Variants in CLSTN3 observed in about 807,000 individuals in gnomAD.
CLSTN3 encodes calsyntenin-3.
A neutral mutation model predicts 95.9 loss-of-function variants in CLSTN3; 36 were observed. The ratio of observed to expected loss-of-function variants is 0.38; its 90% CI spans 0.29 to 0.50. The LOEUF is 0.50. Ranked by LOEUF, CLSTN3 falls within the 20% of genes least tolerant of loss-of-function variation. The pLI, the probability that CLSTN3 is intolerant of heterozygous loss-of-function variation, is 0.95. For synonymous variants in CLSTN3, 481 were observed against 504.0 expected (o/e 0.95, Z 0.61); for missense variants, 1,084 against 1,268.8 (o/e 0.85, Z 2.21).
Position 7,157,630 on chromosome 12 carries a change from C to A in CLSTN3, c.2669C>A (p.Pro890His), listed in dbSNP as rs1463393786. ...AGGPPGASSDPKDPDLFWDDS... is the reference protein window; with the variant it reads ...AGGPPGASSDHKDPDLFWDDS... ...GGGCCTCCAGGGGCCTCCAGTGACC[C>A]CAAGGACCCAGACCTCTTCTGGGAT... The change falls in exon 17 of 18, where the codon CCC becomes CAC. Residue 890 changes from proline (P) to histidine (H), a missense_variant. Physicochemically the swap from Pro to His is moderately conservative, Grantham distance 77. Coordinates refer to ENST00000266546, the MANE Select transcript of CLSTN3 (RefSeq NM_014718.4). The surrounding 1 kb of genome is among the most constrained non-coding windows in gnomAD (Gnocchi z 5.9). 6.2e-7 allele frequency: 1 copy of A among 1,609,890 alleles called. No individual in the cohort carries two copies. Among genetic ancestry groups the A allele is most frequent in the Admixed American group, 1.7e-5 (1 of 59,328 alleles).
rs1183210506 is a variant in CLSTN3, at chr12:7,130,600, G to C, written c.-49G>C. Reference sequence around the variant, plus strand: ...GCAAGGTGGAATCCGCAGGCTGGAGGCTCCCAGGGGAGGCAAACGCCTGGC... The same window carrying C: ...GCAAGGTGGAATCCGCAGGCTGGAGCCTCCCAGGGGAGGCAAACGCCTGGC... On this transcript the variant is annotated 5_prime_UTR_variant, in exon 1 of 18. Coordinates refer to ENST00000266546, the MANE Select transcript of CLSTN3 (RefSeq NM_014718.4). The C allele has an allele frequency of 1.3e-6, 2 of 1,550,904 alleles. No homozygotes were observed. Among genetic ancestry groups the C allele is most frequent in the Admixed American group, 3.9e-5 (2 of 51,108 alleles).
chr12:7,130,303 T>TCCCCCC (rs1174430972), upstream of CLSTN3: 72 of 779,410 alleles, frequency 9.2e-5, no homozygotes, highest in Admixed American at 4.8e-4. Context: ...CAGCACCTGG[T>TCCCCCC]CCCCCCCCCT....
At chr12:7,139,251 A>G (rs1565650351) in intron 8 of CLSTN3, among the ~76,000 whole-genome samples, 1 of 152,250 alleles carries the variant, frequency 6.6e-6, no homozygotes, top group Non-Finnish European at 1.5e-5. Flanking sequence ...GGGGCAGAGC[A>G]TGGCGGGAGG....
Position 7,130,625 on chromosome 12 carries a change from C to T in CLSTN3, c.-24C>T, listed in dbSNP as rs1410049812. The T allele has an allele frequency of 2.6e-6, 4 of 1,557,296 alleles. No individual in the cohort carries two copies. Among genetic ancestry groups the T allele is most frequent in the Admixed American group, 3.9e-5 (2 of 51,878 alleles). On this transcript the variant is annotated 5_prime_UTR_variant, in exon 1 of 18. Transcript: ENST00000266546. ...GCTCCCAGGGGAGGCAAACGCCTGG[C>T]CCTGCCCTGCCCCACGCCGCACCAT...
At chr12:7,143,344 A>G (rs1421370175) in intron 12 of CLSTN3, 33 bp downstream of exon 12, 1 of 1,591,674 alleles carries the variant, frequency 6.3e-7, no homozygotes, top group Non-Finnish European at 8.5e-7. Context: ...CAAATCACCA[A>G]GCAGAGCCAG....
At position 7,150,744 on chromosome 12, in the gene CLSTN3, G is replaced by A. The variant is rs867194793; in HGVS notation, c.2391+55G>A. On this transcript the variant is annotated intron_variant, in intron 15 of 17. Coordinates refer to ENST00000266546, the MANE Select transcript of CLSTN3 (RefSeq NM_014718.4). This position sits in a 1 kb window ranked among gnomAD's most constrained non-coding sequence, Gnocchi z 4.0. Reference sequence around the variant, plus strand: ...TTACCCACCCCCAGAAAGGAGCTGAGGTGGCATGGACTCAAAATGTTAGTT... The same window carrying A: ...TTACCCACCCCCAGAAAGGAGCTGAAGTGGCATGGACTCAAAATGTTAGTT... The A allele has an allele frequency of 8.1e-6, 13 of 1,596,844 alleles. No homozygotes were observed. In the Middle Eastern group the frequency reaches 6.7e-4, roughly 82 times the overall value.
In CLSTN3 at chr12:7,149,787, A is replaced by C; in HGVS notation, c.2245+94A>C. ...CCCAGAGGGTCCTCCTTCCAGGTCCAGGGATGTGGACAAGTGCCGTTTTGC... is the reference window on the plus strand; with the variant it reads ...CCCAGAGGGTCCTCCTTCCAGGTCCCGGGATGTGGACAAGTGCCGTTTTGC... On this transcript the variant is annotated intron_variant, in intron 14 of 17. Coordinates refer to ENST00000266546, the MANE Select transcript of CLSTN3 (RefSeq NM_014718.4). The surrounding 1 kb of genome is among the most constrained non-coding windows in gnomAD (Gnocchi z 4.5). 1 of 1,212,236 alleles carries C rather than the reference A, an allele frequency of 8.2e-7. No individual in the cohort carries two copies. The highest frequency in any genetic ancestry group is 1.2e-6 in the Non-Finnish European group (1 of 868,326). The allele number at this position is 1,212,236 out of a possible 1,614,324, so 75.1% of individuals were successfully genotyped here.
At chr12:7,134,342 G>A (rs758818763) in intron 3 of CLSTN3, among the ~76,000 whole-genome samples, 2 of 152,320 alleles carry the variant, frequency 1.3e-5, no homozygotes, top group African/African-American at 2.4e-5. Context: ...AAAGAGGCTC[G>A]GGTCTGGGAC....
chr12:7,156,514 C>G (rs1269794363), intron 16 of CLSTN3: 2 of 456,710 alleles, frequency 4.4e-6, no homozygotes, highest in East Asian at 6.9e-5. Context: ...TGCTGGAGAC[C>G]CCCAGACGCG....
In CLSTN3 at chr12:7,137,210, C is replaced by G. The variant is rs1939444895; in HGVS notation, c.1210+100C>G. 4 of 1,264,552 alleles carry G rather than the reference C, an allele frequency of 3.2e-6. No individual in the cohort carries two copies. The highest frequency in any genetic ancestry group is 2.9e-5 in the South Asian group (2 of 69,714). 78.3% of individuals were successfully genotyped at this position (1,264,552 alleles called of 1,614,324 possible). Reference sequence around the variant, plus strand: ...TGACTGTGAACAGGTCACTTCCCCTCTCTTCATTTGTGAGGTGCAAGTGCC... The same window carrying G: ...TGACTGTGAACAGGTCACTTCCCCTGTCTTCATTTGTGAGGTGCAAGTGCC... On this transcript the variant is annotated intron_variant, in intron 7 of 17. Transcript: ENST00000266546. This position sits in a 1 kb window ranked among gnomAD's most constrained non-coding sequence, Gnocchi z 4.4.
In CLSTN3 at chr12:7,135,989, A is replaced by T. The variant is rs761910001; in HGVS notation, c.742+36A>T. 7 of 1,565,588 alleles carry T rather than the reference A, an allele frequency of 4.5e-6. No individual in the cohort carries two copies. In the East Asian group the frequency reaches 1.6e-4, roughly 35 times the overall value. On this transcript the variant is annotated intron_variant, in intron 5 of 17. Coordinates refer to ENST00000266546, the MANE Select transcript of CLSTN3 (RefSeq NM_014718.4). ...AGCGCTGTGCCCCATCTTGTGAATC[A>T]TCTTTTTTCTTGGTCTCTCTTTCTG...
At position 7,157,585 on chromosome 12, in the gene CLSTN3, G is replaced by T. The variant is rs199822119; in HGVS notation, c.2624G>T (p.Arg875Leu). The T allele has an allele frequency of 6.2e-7, 1 of 1,613,148 alleles. No homozygotes were observed. Among genetic ancestry groups the T allele is most frequent in the African/African-American group, 1.3e-5 (1 of 74,858 alleles). Reference protein sequence around the residue: ...LGLVRIHSLHRRVSGAGGPPG... With the variant: ...LGLVRIHSLHLRVSGAGGPPG... Reference sequence around the variant, plus strand: ...CTGGTGCGCATCCATTCCCTTCACCGCCGCGTCTCAGGGGCCGGCGGGCCT... The same window carrying T: ...CTGGTGCGCATCCATTCCCTTCACCTCCGCGTCTCAGGGGCCGGCGGGCCT... The change falls in exon 17 of 18, where the codon CGC becomes CTC. Residue 875 changes from arginine (R) to leucine (L), a missense_variant. By Grantham distance (102) the Arg-to-Leu change is moderately radical. Coordinates refer to ENST00000266546, the MANE Select transcript of CLSTN3 (RefSeq NM_014718.4). This position sits in a 1 kb window ranked among gnomAD's most constrained non-coding sequence, Gnocchi z 5.9.
At chr12:7,135,001 G>A in intron 3 of CLSTN3, among the ~76,000 whole-genome samples, 1 of 152,100 alleles carries the variant, frequency 6.6e-6, no homozygotes. Flanking sequence ...AGATGGGCAG[G>A]CTCCCTCCTG....
chr12:7,150,412 G>T lies in CLSTN3; in HGVS notation c.2246-132G>T, dbSNP rs988687013. Reference sequence around the variant, plus strand: ...GCATCCCTCCCTTCGACCTCAGGTCGCACTTCTGCGGAGATGGGGCTGACC... The same window carrying T: ...GCATCCCTCCCTTCGACCTCAGGTCTCACTTCTGCGGAGATGGGGCTGACC... On this transcript the variant is annotated intron_variant, in intron 14 of 17. Coordinates refer to ENST00000266546, the MANE Select transcript of CLSTN3 (RefSeq NM_014718.4). The surrounding 1 kb of genome is among the most constrained non-coding windows in gnomAD (Gnocchi z 4.0). 1 of 1,037,804 alleles carries T rather than the reference G, an allele frequency of 9.6e-7. No individual in the cohort carries two copies. The highest frequency in any genetic ancestry group is 1.8e-5 in the South Asian group (1 of 54,564). 64.3% of individuals were successfully genotyped at this position (1,037,804 alleles called of 1,614,324 possible).
chr12:7,132,038 G>T (rs985430606), intron 1 of CLSTN3, among the ~76,000 whole-genome samples: 4 of 152,036 alleles, frequency 2.6e-5, no homozygotes, highest in Admixed American at 6.6e-5. Flanking sequence ...AGGCTGGGGT[G>T]GGGGGTGATG....
intron 16 of CLSTN3, among the ~76,000 whole-genome samples, chr12:7,152,893 A>G (rs1394028906): frequency 6.6e-6 from 1 of 152,162 alleles, no homozygotes; most frequent in African/African-American, 2.4e-5. Flanking sequence ...TGCACTAACC[A>G]TGGCCCTCAC....
chr12:7,134,965 G>A (rs921094408), intron 3 of CLSTN3, among the ~76,000 whole-genome samples: 6 of 152,128 alleles, frequency 3.9e-5, no homozygotes, highest in Non-Finnish European at 7.4e-5. Context: ...GGGGAGGAGC[G>A]TGCTGACTGC....
At chr12:7,143,776 A>G (rs756016625) in intron 12 of CLSTN3, among the ~76,000 whole-genome samples, 1 of 152,346 alleles carries the variant, frequency 6.6e-6, no homozygotes, top group East Asian at 1.9e-4. Context: ...TGGCAGTCCT[A>G]GGCCAAATCT....
intron 8 of CLSTN3, among the ~76,000 whole-genome samples, chr12:7,138,331 T>C (rs758576395): frequency 6.6e-6 from 1 of 151,604 alleles, no homozygotes; most frequent in South Asian, 2.1e-4. Context: ...ATCTATTTCC[T>C]CCTTGTTTTA....
Sources: allele counts gnomAD v4.1 joint callset (sites outside exome capture counted in the v4.1 genomes callset), GRCh38; gene constraint gnomAD v4.1.1; non-coding constraint Gnocchi (gnomAD v3.1); transcripts MANE v1.5; gene names NCBI Gene and HGNC (gene_info 2026-07-23, HGNC 2026-07-21).